AGMO: variants seen among roughly 807,000 people sequenced by gnomAD.
AGMO encodes alkylglycerol monooxygenase.
AGMO carries 75 observed loss-of-function variants against 60.2 expected under a neutral mutation model. The observed-to-expected ratio is 1.25, with a 90% confidence interval of 1.03 to 1.51. The LOEUF (loss-of-function observed/expected upper bound fraction) is 1.51, where lower values mean the gene tolerates loss of function less well. Ranked by LOEUF, AGMO falls within the 40% of genes most tolerant of loss-of-function variation. The probability of loss-of-function intolerance (pLI) is 0.00; values close to 1 mark genes in which losing one functional copy is unlikely to be tolerated. For missense variants in AGMO, 763 were observed against 525.5 expected (o/e 1.45, Z -4.42); for synonymous variants, 261 against 177.1 (o/e 1.47, Z -3.76).
At chr7:15,335,760 TAAC>T (rs1463702817) in intron 12 of AGMO, among the ~76,000 whole-genome samples, 6 of 152,192 alleles carry the variant, frequency 3.9e-5, no homozygotes, top group African/African-American at 1.4e-4. Flanking sequence ...ATAACTTAGA[TAAC>T]ACGGTAGCAA....
intron 3 of AGMO, among the ~76,000 whole-genome samples, chr7:15,433,720 T>C (rs1781321008): frequency 1.3e-5 from 2 of 151,736 alleles, no homozygotes; most frequent in South Asian, 2.1e-4. Flanking sequence ...TAATTATACA[T>C]TCTGTTCAAT....
intron 12 of AGMO, among the ~76,000 whole-genome samples, chr7:15,263,637 C>A (rs1305166172): frequency 1.3e-5 from 2 of 152,044 alleles, no homozygotes; most frequent in African/African-American, 4.8e-5. Flanking sequence ...TATAGCAGCA[C>A]AATTTGCAAC....
At chr7:15,152,099 T>C in the AGMO span, among the ~76,000 whole-genome samples, 1 of 152,186 alleles carries the variant, frequency 6.6e-6, no homozygotes, top group Non-Finnish European at 1.5e-5. Flanking sequence ...TTAAGATAGT[T>C]AAATCTTCTT....
intron 12 of AGMO, among the ~76,000 whole-genome samples, chr7:15,215,645 T>G (rs2128495098): frequency 6.6e-6 from 1 of 152,242 alleles, no homozygotes; most frequent in Middle Eastern, 3.4e-3. Flanking sequence ...CTTGTCTTTG[T>G]GAAAACTAGT....
intron 3 of AGMO, among the ~76,000 whole-genome samples, chr7:15,486,788 C>T (rs1350928778): frequency 1.3e-5 from 2 of 152,032 alleles, no homozygotes; most frequent in East Asian, 1.9e-4. Context: ...AAAACATGTC[C>T]ATGAGTGGGG....
At chr7:15,464,556 T>C (rs1583579346) in intron 3 of AGMO, among the ~76,000 whole-genome samples, 1 of 152,200 alleles carries the variant, frequency 6.6e-6, no homozygotes, top group Non-Finnish European at 1.5e-5. Flanking sequence ...ATGAAGACAC[T>C]GGCCACATTA....
intron 12 of AGMO, chr7:15,306,180 T>C (rs1392039012): frequency 9.6e-6 from 2 of 207,406 alleles, no homozygotes; most frequent in Non-Finnish European, 2.0e-5. Context: ...TGTACTCATC[T>C]TAAATGGAAT....
At chr7:15,263,845 CG>C (rs1429750731) in intron 12 of AGMO, among the ~76,000 whole-genome samples, 2 of 151,974 alleles carry the variant, frequency 1.3e-5, no homozygotes, top group African/African-American at 4.8e-5. Context: ...TTCTCACTTA[CG>C]TGTGGGAGCT....
intron 12 of AGMO, among the ~76,000 whole-genome samples, chr7:15,266,902 C>G (rs1455332103): frequency 6.6e-6 from 1 of 151,902 alleles, no homozygotes; most frequent in Non-Finnish European, 1.5e-5. Flanking sequence ...TAATCTCAAA[C>G]TAGACTAGCC....
At chr7:15,193,716 C>T in the AGMO span, among the ~76,000 whole-genome samples, 76,799 of 151,926 alleles carry the variant, frequency 0.51, 20,762 homozygotes, top group African/African-American at 0.72. Context: ...CCAACTAGTT[C>T]TAAACAAATG....
intron 2 of AGMO, among the ~76,000 whole-genome samples, chr7:15,550,640 A>G (rs867675574): frequency 0.015 from 2,207 of 151,188 alleles, 60 homozygotes; most frequent in African/African-American, 0.052. Context: ...CTCTGAATAG[A>G]CCAATAACAG....
At position 15,390,914 on chromosome 7, in the gene AGMO, C is replaced by A. The variant is rs757009256; in HGVS notation, c.677-9G>T. 7 of 1,561,650 alleles carry A rather than the reference C, an allele frequency of 4.5e-6. No homozygotes were observed. The highest frequency in any genetic ancestry group is 3.7e-5 in the Admixed American group (2 of 53,894). ...GCAATAACGATTTCTGCCTATGAGA[C>A]AAAATATTAGAAATTTTTTTTCAGA... is the stretch of plus-strand genomic sequence containing the variant. On this transcript the variant is annotated splice_polypyrimidine_tract_variant and intron_variant, in intron 6 of 12. Transcript: ENST00000342526.
At chr7:15,465,080 T>C (rs1782244244) in intron 3 of AGMO, among the ~76,000 whole-genome samples, 1 of 152,048 alleles carries the variant, frequency 6.6e-6, no homozygotes, top group South Asian at 2.1e-4. Flanking sequence ...TTTATTGTAG[T>C]AGTAAGAGGA....
the AGMO span, among the ~76,000 whole-genome samples, chr7:15,166,345 C>A: frequency 4.6e-5 from 7 of 152,122 alleles, no homozygotes; most frequent in East Asian, 1.2e-3. Context: ...GAGTGCAAAG[C>A]CCCAGGGCAG....
At chr7:15,365,910 TGA>T (rs1415766221) in intron 11 of AGMO, among the ~76,000 whole-genome samples, 1 of 152,000 alleles carries the variant, frequency 6.6e-6, no homozygotes, top group East Asian at 1.9e-4. Context: ...TTAAAGTAAG[TGA>T]GACTCTTTTC....
At chr7:15,286,317 A>G (rs574366064) in intron 12 of AGMO, among the ~76,000 whole-genome samples, 40 of 152,270 alleles carry the variant, frequency 2.6e-4, no homozygotes, top group Middle Eastern at 3.4e-3. Context: ...TTTGCAAACT[A>G]TGCATCTGAC....
At chr7:15,154,608 G>A in the AGMO span, among the ~76,000 whole-genome samples, 7 of 152,110 alleles carry the variant, frequency 4.6e-5, no homozygotes, top group Non-Finnish European at 8.8e-5. Context: ...TACATTCAAG[G>A]TTAATCTTGA....
intron 10 of AGMO, among the ~76,000 whole-genome samples, chr7:15,384,861 G>A (rs568346984): frequency 9.1e-4 from 76 of 83,784 alleles, no homozygotes; most frequent in Non-Finnish European, 1.4e-3. Flanking sequence ...TTTTATATAC[G>A]TTATTTTTGC....
intron 12 of AGMO, among the ~76,000 whole-genome samples, chr7:15,345,223 A>G (rs1386950512): frequency 7.2e-5 from 11 of 152,158 alleles, no homozygotes; most frequent in Non-Finnish European, 1.5e-4. Context: ...TCAGTTTCTG[A>G]TATTATTCTT....
Sources: gnomAD v4.1 joint callset for allele counts (sites outside exome capture counted in the v4.1 genomes callset) on GRCh38, gnomAD v4.1.1 for gene constraint, MANE v1.5 for transcripts, NCBI Gene and HGNC (gene_info 2026-07-23, HGNC 2026-07-21) for gene names.